Variants in PRKN observed in about 807,000 individuals in gnomAD.
The protein encoded by PRKN is parkin RBR E3 ubiquitin protein ligase.
In PRKN, 56 loss-of-function variants were observed where a neutral mutation model predicts 59.5. That is an observed-to-expected ratio of 0.94 (90% CI 0.76 to 1.18). The LOEUF is 1.18. Ranked by LOEUF, PRKN falls within the 50% of genes most tolerant of loss-of-function variation. The pLI, the probability that PRKN is intolerant of heterozygous loss-of-function variation, is 0.00. For missense variants in PRKN, 657 were observed against 596.4 expected (o/e 1.10, Z -1.06); for synonymous variants, 250 against 222.1 (o/e 1.13, Z -1.12).
intron 10 of PRKN, among the ~76,000 whole-genome samples, chr6:161,374,727 G>GATGTGTGTT: frequency 6.6e-6 from 1 of 151,740 alleles, no homozygotes; most frequent in African/African-American, 2.4e-5. Flanking sequence ...TGGCATGTGT[G>GATGTGTGTT]ACATATGTGT....
In PRKN at chr6:161,363,897, C is replaced by A. The variant is rs201087776; in HGVS notation, c.1168-3692G>T. 6.6e-6 allele frequency among the ~76,000 whole-genome samples: 1 copy of A among 152,150 alleles called. No individual in the cohort carries two copies. The highest frequency in any genetic ancestry group is 6.5e-5 in the Admixed American group (1 of 15,276). On this transcript the variant is annotated intron_variant, in intron 10 of 11. Transcript: ENST00000366898. The surrounding 1 kb of genome is among the most constrained non-coding windows in gnomAD (Gnocchi z 4.1). Reference sequence around the variant, plus strand: ...ATTTGGGGCCGGATGTGGTGGTTCACGCCTGTAATCCAAGCACTTTGGGAG... The same window carrying A: ...ATTTGGGGCCGGATGTGGTGGTTCAAGCCTGTAATCCAAGCACTTTGGGAG...
At chr6:162,553,608 T>C (rs977596759) in intron 1 of PRKN, among the ~76,000 whole-genome samples, 1 of 149,066 alleles carries the variant, frequency 6.7e-6, no homozygotes, top group Non-Finnish European at 1.5e-5. Flanking sequence ...ACCACAGTCA[T>C]TTAAAGCTAT....
chr6:162,663,627 T>C (rs1778983651), intron 1 of PRKN, among the ~76,000 whole-genome samples: 2 of 152,200 alleles, frequency 1.3e-5, no homozygotes, highest in African/African-American at 4.8e-5. Context: ...AGAAAATAAG[T>C]GTGTACTTCC....
intron 9 of PRKN, among the ~76,000 whole-genome samples, chr6:161,516,594 G>A (rs541438307): frequency 4.6e-5 from 7 of 151,140 alleles, no homozygotes; most frequent in Non-Finnish European, 7.4e-5. Context: ...TTGGGAGGCC[G>A]AGACTGGTGG....
At position 162,010,538 on chromosome 6, in the gene PRKN, ATGTAT is replaced by A. The variant is rs1562455925; in HGVS notation, c.619-37126_619-37122del. ...TATATATTATATAATATATTATATA[ATGTAT>A]TATATTATATATTATATAATATATT... On this transcript the variant is annotated intron_variant, in intron 5 of 11. Coordinates refer to ENST00000366898, the MANE Select transcript of PRKN (RefSeq NM_004562.3). Among the ~76,000 whole-genome samples, 2 of 10,168 alleles carry A rather than the reference ATGTAT, an allele frequency of 2.0e-4. 1 individual carries two copies. Among genetic ancestry groups the A allele is most frequent in the Non-Finnish European group, 2.6e-4 (2 of 7,570 alleles). The allele number at this position is 10,168 out of a possible 152,430, so 6.7% of individuals were successfully genotyped here.
intron 6 of PRKN, among the ~76,000 whole-genome samples, chr6:161,803,222 C>A (rs1791164484): frequency 6.6e-6 from 1 of 152,200 alleles, no homozygotes; most frequent in South Asian, 2.1e-4. Context: ...GGTTTTGCCA[C>A]TTCTTTGGGT....
At chr6:161,514,104 G>A (rs1448069562) in intron 9 of PRKN, among the ~76,000 whole-genome samples, 1 of 151,590 alleles carries the variant, frequency 6.6e-6, no homozygotes, top group African/African-American at 2.4e-5. Flanking sequence ...GTGCAACTAG[G>A]ATCTCAGGAA....
rs1789168270 is a variant in PRKN, at chr6:161,440,748, T to C, written c.1084-53871A>G. The stretch of plus-strand genomic sequence containing the variant: ...AGATATTTCCAATGCCACCTGAAGG[T>C]CCTGAGAGCTCCCTGACATCATTCA... On this transcript the variant is annotated intron_variant, in intron 9 of 11. Transcript: ENST00000366898. This position sits in a 1 kb window ranked among gnomAD's most constrained non-coding sequence, Gnocchi z 4.1. Among the ~76,000 whole-genome samples, 1 of 152,118 alleles carries C rather than the reference T, an allele frequency of 6.6e-6. No individual in the cohort carries two copies. The highest frequency in any genetic ancestry group is 2.4e-5 in the African/African-American group (1 of 41,436).
chr6:161,581,880 C>T lies in PRKN; in HGVS notation c.872-12464G>A, dbSNP rs1021825829. Among the ~76,000 whole-genome samples the T allele has an allele frequency of 4.6e-5, 7 of 152,132 alleles. No individual in the cohort carries two copies. The highest frequency in any genetic ancestry group is 3.9e-4 in the East Asian group (2 of 5,192). On this transcript the variant is annotated intron_variant, in intron 7 of 11. Coordinates refer to ENST00000366898, the MANE Select transcript of PRKN (RefSeq NM_004562.3). The surrounding 1 kb of genome is among the most constrained non-coding windows in gnomAD (Gnocchi z 4.5). ...TTTATCACCCACTCAATATTTACTG[C>T]GCAGAGAGCTGAGGACACACATTAA...
chr6:162,212,250 A>G (rs1785234646), intron 3 of PRKN, among the ~76,000 whole-genome samples: 1 of 152,018 alleles, frequency 6.6e-6, no homozygotes, highest in South Asian at 2.1e-4. Flanking sequence ...TTCTGCAGTG[A>G]CTTCACCTGT....
At chr6:161,612,581 C>T (rs1244333044) in intron 7 of PRKN, among the ~76,000 whole-genome samples, 3 of 151,834 alleles carry the variant, frequency 2.0e-5, no homozygotes, top group Admixed American at 6.6e-5. Flanking sequence ...ATTAGCCAGG[C>T]GTGGTGGCGT....
At chr6:161,637,622 A>G (rs569230246) in intron 7 of PRKN, among the ~76,000 whole-genome samples, 11 of 152,000 alleles carry the variant, frequency 7.2e-5, no homozygotes, top group Non-Finnish European at 1.3e-4. Flanking sequence ...CCTGTTGTCA[A>G]CTCTAAAGAA....
intron 1 of PRKN, among the ~76,000 whole-genome samples, chr6:162,478,323 T>C (rs1792126455): frequency 6.6e-6 from 1 of 152,152 alleles, no homozygotes; most frequent in Admixed American, 6.5e-5. Flanking sequence ...AGACGTGATT[T>C]CTAATGTTGT....
At position 161,361,920 on chromosome 6, in the gene PRKN, C is replaced by G. The variant is rs1784991193; in HGVS notation, c.1168-1715G>C. Among the ~76,000 whole-genome samples, 1 of 152,090 alleles carries G rather than the reference C, an allele frequency of 6.6e-6. No homozygotes were observed. Among genetic ancestry groups the G allele is most frequent in the South Asian group, 2.1e-4 (1 of 4,810 alleles). On this transcript the variant is annotated intron_variant, in intron 10 of 11. Coordinates refer to ENST00000366898, the MANE Select transcript of PRKN (RefSeq NM_004562.3). This position sits in a 1 kb window ranked among gnomAD's most constrained non-coding sequence, Gnocchi z 5.2. ...TTCATGGCACGCCTTCCAGTCACCA[C>G]AGAGTCTTGGGTGGTCCTAACCGTC...
At chr6:162,476,851 G>A (rs191998680) in intron 1 of PRKN, among the ~76,000 whole-genome samples, 1 of 152,158 alleles carries the variant, frequency 6.6e-6, no homozygotes, top group Non-Finnish European at 1.5e-5. Context: ...GTGTACATAA[G>A]CAAAGGGAAG....
At chr6:161,884,777 G>T (rs1795069043) in intron 6 of PRKN, among the ~76,000 whole-genome samples, 1 of 152,050 alleles carries the variant, frequency 6.6e-6, no homozygotes. Flanking sequence ...TCCATGTGTA[G>T]ATCTATATAT....
At chr6:162,012,337 A>G (rs926282888) in intron 5 of PRKN, among the ~76,000 whole-genome samples, 5 of 152,062 alleles carry the variant, frequency 3.3e-5, no homozygotes, top group African/African-American at 1.2e-4. Context: ...CTCTATGTAC[A>G]TTATATAGAG....
Position 161,671,097 on chromosome 6 carries a change from T to C in PRKN, c.872-101681A>G, listed in dbSNP as rs186861235. On this transcript the variant is annotated intron_variant, in intron 7 of 11. Transcript: ENST00000366898. Reference sequence around the variant, plus strand: ...GCAATTTGGCTCCTGACAACATGAATCTAAAATCTAATTCTGTGAGCAGGA... The same window carrying C: ...GCAATTTGGCTCCTGACAACATGAACCTAAAATCTAATTCTGTGAGCAGGA... Among the ~76,000 whole-genome samples, 409 of 152,164 alleles carry C rather than the reference T, an allele frequency of 2.7e-3. 1 individual carries two copies. Among genetic ancestry groups the C allele is most frequent in the Non-Finnish European group, 4.7e-3 (317 of 68,004 alleles).
intron 5 of PRKN, among the ~76,000 whole-genome samples, chr6:161,992,772 C>T (rs556750266): frequency 3.9e-5 from 6 of 152,004 alleles, no homozygotes; most frequent in African/African-American, 1.2e-4. Context: ...CAGACAACAA[C>T]AGAATAAAAC....
Sources: allele counts gnomAD v4.1 joint callset (sites outside exome capture counted in the v4.1 genomes callset), GRCh38; gene constraint gnomAD v4.1.1; non-coding constraint Gnocchi (gnomAD v3.1); transcripts MANE v1.5; gene names NCBI Gene and HGNC (gene_info 2026-07-23, HGNC 2026-07-21).